Variants in SDK1 observed in about 807,000 individuals in gnomAD.
SDK1 encodes sidekick cell adhesion molecule 1, also known as protein sidekick-1.
SDK1 carries 157 observed loss-of-function variants against 245.5 expected under a neutral mutation model. The ratio of observed to expected loss-of-function variants is 0.64; its 90% CI spans 0.56 to 0.73. The LOEUF (loss-of-function observed/expected upper bound fraction) is 0.73. Among genes scored for constraint, SDK1 ranks in the 30% least tolerant of loss-of-function variants. SDK1 has a pLI of 0.00. For missense variants in SDK1, 3,583 were observed against 3,002.3 expected, an observed-to-expected ratio of 1.19 and a Z score of -4.52; for synonymous variants, 1,647 against 1,278.5, an observed-to-expected ratio of 1.29 and a Z score of -6.15.
intron 1 of SDK1, among the ~76,000 whole-genome samples, chr7:3,522,299 A>G (rs949645989): frequency 6.6e-6 from 1 of 152,138 alleles, no homozygotes; most frequent in Non-Finnish European, 1.5e-5. Flanking sequence ...ATATAGAGAG[A>G]GCTAAAAATT....
intron 1 of SDK1, among the ~76,000 whole-genome samples, chr7:3,412,938 A>G (rs76475421): frequency 0.066 from 10,070 of 152,278 alleles, 398 homozygotes; most frequent in African/African-American, 0.11. Flanking sequence ...GTTCTAGGGA[A>G]TCAGCAAGGA....
At chr7:3,827,971 CCTAA>C (rs1273883882) in intron 5 of SDK1, among the ~76,000 whole-genome samples, 1 of 152,182 alleles carries the variant, frequency 6.6e-6, no homozygotes, top group South Asian at 2.1e-4. Context: ...GCACGTCTGT[CCTAA>C]CTAATACATT....
Position 4,268,430 on chromosome 7 carries a change from G to C in SDK1, c.*3046G>C. ...GCCCCTCTCCCCAGCCTCGCCTTCA[G>C]CCTCTCTCCCAGCCTGCTTTTATAA... On this transcript the variant is annotated 3_prime_UTR_variant, in exon 45 of 45. Coordinates refer to ENST00000404826, the MANE Select transcript of SDK1 (RefSeq NM_152744.4). The C allele has an allele frequency of 1.8e-6, 2 of 1,109,824 alleles. No homozygotes were observed. The highest frequency in any genetic ancestry group is 2.2e-6 in the Non-Finnish European group (2 of 898,124). 68.7% of individuals were successfully genotyped at this position (1,109,824 alleles called of 1,614,324 possible). A position where few individuals can be genotyped will look rare whatever the true frequency, so the allele number is the denominator to read the frequency against.
Position 3,918,498 on chromosome 7 carries a change from C to T in SDK1, c.848-32425C>T, listed in dbSNP as rs553271130. Among the ~76,000 whole-genome samples the T allele has an allele frequency of 3.1e-4, 47 of 152,320 alleles. 1 individual carries two copies. In the East Asian group the frequency reaches 3.1e-3, roughly 10 times the overall value. ...ATCTGTCCCTGTCTCCCATCACCCC[C>T]GGATAGGACCGTAATTGCAGGAAAA... On this transcript the variant is annotated intron_variant, in intron 5 of 44. Coordinates refer to ENST00000404826, the MANE Select transcript of SDK1 (RefSeq NM_152744.4).
intron 5 of SDK1, among the ~76,000 whole-genome samples, chr7:3,909,697 T>C (rs1779092753): frequency 1.3e-5 from 2 of 152,152 alleles, no homozygotes; most frequent in African/African-American, 2.4e-5. Flanking sequence ...GGCTTTAAAG[T>C]AGGAATATTT....
chr7:3,459,836 A>T (rs1447664426), intron 1 of SDK1, among the ~76,000 whole-genome samples: 1 of 152,170 alleles, frequency 6.6e-6, no homozygotes, highest in Non-Finnish European at 1.5e-5. Context: ...ACTGATTGGG[A>T]TTCCTTGAAT....
At chr7:3,522,683 G>T (rs1051558193) in intron 1 of SDK1, among the ~76,000 whole-genome samples, 1 of 152,044 alleles carries the variant, frequency 6.6e-6, no homozygotes, top group Non-Finnish European at 1.5e-5. Context: ...AGGCTGGGGG[G>T]ATAGTTGACA....
At chr7:3,628,760 G>C (rs1265633925) in intron 2 of SDK1, among the ~76,000 whole-genome samples, 1 of 152,132 alleles carries the variant, frequency 6.6e-6, no homozygotes, top group Non-Finnish European at 1.5e-5. Context: ...ACAAAAATAT[G>C]AACAGTTGTT....
At chr7:3,589,988 G>A (rs1780809948) in intron 1 of SDK1, among the ~76,000 whole-genome samples, 1 of 152,208 alleles carries the variant, frequency 6.6e-6, no homozygotes, top group Admixed American at 6.5e-5. Context: ...TGTGCTTCCT[G>A]AGCTCTTTAC....
chr7:4,034,533 A>C (rs1041530848), intron 17 of SDK1, among the ~76,000 whole-genome samples: 1 of 152,242 alleles, frequency 6.6e-6, no homozygotes, highest in African/African-American at 2.4e-5. Context: ...TTTCAAAATG[A>C]AAATTATCTT....
At chr7:4,144,056 GGGTCGGGGAAACGGGA>G (rs1030300028) in intron 28 of SDK1, among the ~76,000 whole-genome samples, 25 of 152,228 alleles carry the variant, frequency 1.6e-4, no homozygotes, top group African/African-American at 4.3e-4. Flanking sequence ...CACTGTGCAA[GGGTCGGGGAAACGGGA>G]GGCCTGTGGG....
At chr7:4,099,277 T>C (rs73044491) in intron 22 of SDK1, among the ~76,000 whole-genome samples, 34,193 of 150,550 alleles carry the variant, frequency 0.23, 4,056 homozygotes, top group Middle Eastern at 0.3. Flanking sequence ...GAGAGACAAA[T>C]GGCATTGGAA....
chr7:3,410,578 C>CTTTTTTTTTTTTTTTTTTTTT lies in SDK1; in HGVS notation c.298+108699_298+108719dup, dbSNP rs776277920. 2.4e-5 allele frequency among the ~76,000 whole-genome samples: 2 copies of CTTTTTTTTTTTTTTTTTTTTT among 82,058 alleles called. 1 individual carries two copies. The highest frequency in any genetic ancestry group is 1.1e-4 in the African/African-American group (2 of 18,954). 53.8% of individuals were successfully genotyped at this position (82,058 alleles called of 152,430 possible). On this transcript the variant is annotated intron_variant, in intron 1 of 44. Transcript: ENST00000404826. ...TCATAAGTGGCAGGTGAAATGATAT[C>CTTTTTTTTTTTTTTTTTTTTT]TTTTTTTTTTTTTTTTTTTTTTTTT...
intron 4 of SDK1, among the ~76,000 whole-genome samples, chr7:3,784,970 T>C (rs776955866): frequency 1.3e-5 from 2 of 152,224 alleles, no homozygotes; most frequent in African/African-American, 2.4e-5. Flanking sequence ...CATCAGCAGA[T>C]AACTGGGTAA....
intron 4 of SDK1, among the ~76,000 whole-genome samples, chr7:3,806,801 CG>C (rs1316475022): frequency 9.2e-5 from 14 of 151,642 alleles, no homozygotes; most frequent in Non-Finnish European, 1.5e-4. Context: ...GTGGTGGAGA[CG>C]GGAAAAGTAG....
chr7:3,480,314 G>A (rs1331298312), intron 1 of SDK1, among the ~76,000 whole-genome samples: 3 of 152,182 alleles, frequency 2.0e-5, no homozygotes, highest in South Asian at 4.1e-4. Flanking sequence ...CTAAGGAAAT[G>A]GAGCCGCGAG....
intron 4 of SDK1, among the ~76,000 whole-genome samples, chr7:3,692,149 A>C (rs1208663442): frequency 6.6e-6 from 1 of 152,174 alleles, no homozygotes. Context: ...TTTTATTGTA[A>C]TTATGATTTC....
At chr7:3,857,807 A>C (rs1226330648) in intron 5 of SDK1, among the ~76,000 whole-genome samples, 1 of 152,230 alleles carries the variant, frequency 6.6e-6, no homozygotes, top group Admixed American at 6.5e-5. Flanking sequence ...TTCATCAGGA[A>C]TAAGAGAAAT....
intron 1 of SDK1, among the ~76,000 whole-genome samples, chr7:3,585,308 TAAG>T (rs1241999775): frequency 2.0e-5 from 3 of 151,932 alleles, no homozygotes; most frequent in Non-Finnish European, 2.9e-5. Flanking sequence ...AGAAATAAAA[TAAG>T]GAGAGGAAAC....
Sources: gnomAD v4.1 joint callset for allele counts (sites outside exome capture counted in the v4.1 genomes callset) on GRCh38, gnomAD v4.1.1 for gene constraint, MANE v1.5 for transcripts, NCBI Gene and HGNC (gene_info 2026-07-23, HGNC 2026-07-21) for gene names.